Variants in SH3BGRL2 observed in about 807,000 individuals in gnomAD.
SH3BGRL2 encodes SH3 domain-binding glutamic acid-rich-like protein 2.
Under a neutral mutation model 14.8 loss-of-function variants are expected in SH3BGRL2, and 21 were observed. The observed-to-expected ratio is 1.42, with a 90% CI of 1.01 to 2.05. SH3BGRL2 has a LOEUF of 2.05. SH3BGRL2 is among the 30% of genes most tolerant of loss of function. The probability of loss-of-function intolerance (pLI) is 0.00; values close to 1 mark genes in which losing one functional copy is unlikely to be tolerated. For synonymous variants in SH3BGRL2, 50 were observed against 47.8 expected (o/e 1.05, Z -0.19); for missense variants, 147 against 130.8 (o/e 1.12, Z -0.61).
the SH3BGRL2 span, among the ~76,000 whole-genome samples, chr6:79,567,639 C>A: frequency 6.6e-6 from 1 of 152,320 alleles, no homozygotes; most frequent in Admixed American, 6.5e-5. Flanking sequence ...CAGGAATTTA[C>A]TTATACTTTT....
intron 1 of SH3BGRL2, among the ~76,000 whole-genome samples, chr6:79,647,760 C>T (rs1398939708): frequency 6.6e-6 from 1 of 152,060 alleles, no homozygotes; most frequent in African/African-American, 2.4e-5. Context: ...AAAAATTTTA[C>T]TTATTTAAAA....
chr6:79,685,407 C>CCCTCA (rs1349799952), intron 2 of SH3BGRL2, among the ~76,000 whole-genome samples: 1 of 152,196 alleles, frequency 6.6e-6, no homozygotes, highest in Non-Finnish European at 1.5e-5. Context: ...CTCTGCTCTT[C>CCCTCA]TTTCTGCAGC....
At chr6:79,676,637 GTGTATATA>G (rs1484448490) in intron 2 of SH3BGRL2, among the ~76,000 whole-genome samples, 1 of 130,846 alleles carries the variant, frequency 7.6e-6, no homozygotes, top group African/African-American at 2.7e-5. Context: ...GTGTGTGTGT[GTGTATATA>G]TATATAATCT....
intron 1 of SH3BGRL2, among the ~76,000 whole-genome samples, chr6:79,667,476 T>A (rs1456176217): frequency 6.6e-6 from 1 of 151,470 alleles, no homozygotes; most frequent in African/African-American, 2.4e-5. Flanking sequence ...AGACAGAGTC[T>A]CACTCTGTCG....
At chr6:79,546,222 G>A in the SH3BGRL2 span, among the ~76,000 whole-genome samples, 1 of 152,096 alleles carries the variant, frequency 6.6e-6, no homozygotes, top group African/African-American at 2.4e-5. Flanking sequence ...CATAATATTT[G>A]GATGAATTAA....
chr6:79,691,991 A>G (rs1329570168), intron 2 of SH3BGRL2, among the ~76,000 whole-genome samples: 3 of 151,904 alleles, frequency 2.0e-5, no homozygotes, highest in Non-Finnish European at 4.4e-5. Context: ...AAGTGTTCCT[A>G]TTTCTCCACA....
chr6:79,557,787 G>A, the SH3BGRL2 span, among the ~76,000 whole-genome samples: 27 of 152,226 alleles, frequency 1.8e-4, no homozygotes, highest in East Asian at 2.5e-3. Context: ...AATATTTTAT[G>A]GGATAGCTAT....
At chr6:79,645,174 G>A (rs527474253) in intron 1 of SH3BGRL2, among the ~76,000 whole-genome samples, 104 of 147,796 alleles carry the variant, frequency 7.0e-4, no homozygotes, top group Non-Finnish European at 1.1e-3. Context: ...AAAAAAATAG[G>A]TCCTGAGTTA....
intron 2 of SH3BGRL2, among the ~76,000 whole-genome samples, chr6:79,675,047 G>T (rs1442748774): frequency 6.6e-6 from 1 of 152,034 alleles, no homozygotes; most frequent in Non-Finnish European, 1.5e-5. Context: ...GATTACCAAG[G>T]ATATAAAATG....
At chr6:79,608,170 G>A in the SH3BGRL2 span, among the ~76,000 whole-genome samples, 3 of 152,132 alleles carry the variant, frequency 2.0e-5, no homozygotes, top group Non-Finnish European at 4.4e-5. Context: ...ACAGCAAGGG[G>A]GTAGTCAGCC....
At chr6:79,655,065 G>A (rs763728348) in intron 1 of SH3BGRL2, among the ~76,000 whole-genome samples, 2 of 151,974 alleles carry the variant, frequency 1.3e-5, no homozygotes. Flanking sequence ...TGTTTTTTTT[G>A]TGTGGGGGGG....
the SH3BGRL2 span, among the ~76,000 whole-genome samples, chr6:79,596,232 T>A: frequency 2.7e-4 from 41 of 152,336 alleles, no homozygotes; most frequent in South Asian, 7.7e-3. Context: ...GATCACGGAT[T>A]ACTGCAGCCT....
At chr6:79,575,061 T>G in the SH3BGRL2 span, 1 of 152,216 alleles carries the variant, frequency 6.6e-6, no homozygotes, top group Non-Finnish European at 1.5e-5. Flanking sequence ...TCCACTGTAC[T>G]TGATTGATCT....
At chr6:79,542,055 C>G in the SH3BGRL2 span, among the ~76,000 whole-genome samples, 2 of 152,126 alleles carry the variant, frequency 1.3e-5, no homozygotes, top group Non-Finnish European at 2.9e-5. Context: ...ACATACCTGC[C>G]TCTACTGGTC....
At chr6:79,558,394 T>C in the SH3BGRL2 span, among the ~76,000 whole-genome samples, 7 of 152,302 alleles carry the variant, frequency 4.6e-5, no homozygotes, top group African/African-American at 1.4e-4. Flanking sequence ...TTTTCTATGG[T>C]TATATAAATA....
At chr6:79,556,217 T>C in the SH3BGRL2 span, among the ~76,000 whole-genome samples, 8 of 152,288 alleles carry the variant, frequency 5.3e-5, no homozygotes, top group South Asian at 1.7e-3. Context: ...AAATTGCAAT[T>C]TCTGCTATGA....
At chr6:79,553,074 T>C in the SH3BGRL2 span, 1 of 152,180 alleles carries the variant, frequency 6.6e-6, no homozygotes, top group East Asian at 1.9e-4. Context: ...AGTTTTAGAA[T>C]GGAAGCTGCT....
intron 2 of SH3BGRL2, among the ~76,000 whole-genome samples, chr6:79,689,567 T>C (rs547928563): frequency 6.6e-6 from 1 of 152,240 alleles, no homozygotes; most frequent in African/African-American, 2.4e-5. Context: ...TTTTTCTTTT[T>C]AATTGAGACA....
the SH3BGRL2 span, among the ~76,000 whole-genome samples, chr6:79,588,580 C>A: frequency 6.6e-6 from 1 of 152,092 alleles, no homozygotes; most frequent in Non-Finnish European, 1.5e-5. Context: ...AACTAATATA[C>A]CAAAGTGGCA....
Sources: gnomAD v4.1 joint callset for allele counts (sites outside exome capture counted in the v4.1 genomes callset) on GRCh38, gnomAD v4.1.1 for gene constraint, MANE v1.5 for transcripts, NCBI Gene and HGNC (gene_info 2026-07-23, HGNC 2026-07-21) for gene names.